MDGA2: variants seen among roughly 807,000 people sequenced by gnomAD.
The protein encoded by MDGA2 is MAM domain containing glycosylphosphatidylinositol anchor 2.
MDGA2 carries 40 observed loss-of-function variants against 117.8 expected under a neutral mutation model. The ratio of observed to expected loss-of-function variants is 0.34; its 90% CI spans 0.26 to 0.44. The LOEUF (loss-of-function observed/expected upper bound fraction) is 0.44, where lower values mean the gene tolerates loss of function less well. Among genes scored for constraint, MDGA2 ranks in the 20% least tolerant of loss-of-function variants. The pLI is 1.00. For synonymous variants in MDGA2, 452 were observed against 439.0 expected (o/e 1.03, Z -0.37); for missense variants, 1,123 against 1,250.6 (o/e 0.90, Z 1.54).
chr14:46,957,420 G>T lies in MDGA2; in HGVS notation c.2043C>A (p.Ser681Arg). Residue 681 changes from serine to arginine, a missense_variant, in exon 9 of 17, where the codon AGC (serine) becomes AGA (arginine). Ser to Arg is a moderately radical substitution (Grantham distance 110). Around this residue, in one of 2 missense-constraint regions of MDGA2, gnomAD observed 890 missense variants for 1,050.3 expected, o/e 0.85. Transcript: ENST00000399232. ...SNENYGVYNC[S>R]IINEAGAGRC... is the part of the protein sequence containing the mutation. ...TCCCAGCTCCAGCTTCATTTATGATGCTACAGTTATAAACCCCATAGTTTT... is the reference window on the plus strand; with the variant it reads ...TCCCAGCTCCAGCTTCATTTATGATTCTACAGTTATAAACCCCATAGTTTT... The T allele has an allele frequency of 6.2e-7, 1 of 1,614,100 alleles. No individual in the cohort carries two copies. The highest frequency in any genetic ancestry group is 8.5e-7 in the Non-Finnish European group (1 of 1,179,988).
chr14:47,417,295 C>T (rs996504163), intron 1 of MDGA2, among the ~76,000 whole-genome samples: 1 of 152,198 alleles, frequency 6.6e-6, no homozygotes, highest in Non-Finnish European at 1.5e-5. Flanking sequence ...TTCAAACATT[C>T]TACTTTGTCA....
chr14:46,974,369 A>C (rs1023922700), intron 8 of MDGA2, among the ~76,000 whole-genome samples: 1 of 152,142 alleles, frequency 6.6e-6, no homozygotes, highest in Non-Finnish European at 1.5e-5. Context: ...CAGAAATAGA[A>C]AAACCCATTC....
At chr14:47,616,036 G>A (rs1172186671) in intron 1 of MDGA2, among the ~76,000 whole-genome samples, 2 of 152,188 alleles carry the variant, frequency 1.3e-5, no homozygotes, top group Non-Finnish European at 2.9e-5. Flanking sequence ...GGAGGAATGA[G>A]TAGGAGCGAG....
Position 47,417,152 on chromosome 14 carries a change from G to T in MDGA2, c.281-115602C>A, listed in dbSNP as rs189946919. On this transcript the variant is annotated intron_variant, in intron 1 of 16. Coordinates refer to ENST00000399232, the MANE Select transcript of MDGA2 (RefSeq NM_001113498.3). ...ATTCTTTTCTATATAAATAAGTTGA[G>T]AATTTTCCTAATTTTAAACTTGTTT... Among the ~76,000 whole-genome samples the T allele has an allele frequency of 2.0e-5, 3 of 152,202 alleles. No individual in the cohort carries two copies. In the East Asian group the frequency reaches 5.8e-4, roughly 29 times the overall value.
chr14:47,214,358 T>C (rs1225823177), intron 3 of MDGA2, among the ~76,000 whole-genome samples: 1 of 152,304 alleles, frequency 6.6e-6, no homozygotes, highest in South Asian at 2.1e-4. Context: ...CCTATAAACA[T>C]ATTTTATCAA....
chr14:47,312,701 T>TTG (rs1555372501), intron 1 of MDGA2, among the ~76,000 whole-genome samples: 7 of 144,882 alleles, frequency 4.8e-5, no homozygotes, highest in African/African-American at 1.3e-4. Flanking sequence ...TTGTTTTGTT[T>TTG]TTTTTTTTTG....
At chr14:47,257,296 T>C (rs999215448) in intron 2 of MDGA2, among the ~76,000 whole-genome samples, 5 of 152,106 alleles carry the variant, frequency 3.3e-5, no homozygotes, top group Non-Finnish European at 7.4e-5. Context: ...GTAATATTTG[T>C]GTGATCTCAC....
intron 15 of MDGA2, among the ~76,000 whole-genome samples, chr14:46,850,992 T>C (rs1275513936): frequency 6.6e-6 from 1 of 151,856 alleles, no homozygotes; most frequent in Non-Finnish European, 1.5e-5. Flanking sequence ...TGTCTACTAA[T>C]GAGGACAATA....
At chr14:47,494,955 A>G (rs1219619970) in intron 1 of MDGA2, among the ~76,000 whole-genome samples, 1 of 151,308 alleles carries the variant, frequency 6.6e-6, no homozygotes, top group African/African-American at 2.4e-5. Context: ...ACATATATAT[A>G]CACACGTCAC....
intron 8 of MDGA2, among the ~76,000 whole-genome samples, chr14:46,967,025 TAAGCA>T (rs1168810529): frequency 3.9e-5 from 6 of 152,166 alleles, no homozygotes; most frequent in African/African-American, 7.2e-5. Flanking sequence ...ACCAGAACTG[TAAGCA>T]AAGCAATTTT....
chr14:46,948,400 G>T (rs1428074003), intron 9 of MDGA2, among the ~76,000 whole-genome samples: 2 of 151,956 alleles, frequency 1.3e-5, no homozygotes, highest in Non-Finnish European at 2.9e-5. Flanking sequence ...GAGTGCTTCA[G>T]GACGGAGAGA....
chr14:47,623,698 A>C (rs1355625262), intron 1 of MDGA2, among the ~76,000 whole-genome samples: 2 of 152,178 alleles, frequency 1.3e-5, no homozygotes, highest in African/African-American at 2.4e-5. Context: ...TCATTTTATA[A>C]CTGAAAAAAA....
In MDGA2 at chr14:46,873,399, A is replaced by G. The variant is rs140698391; in HGVS notation, c.2752+34T>C. 4.4e-4 allele frequency: 674 copies of G among 1,528,608 alleles called. 4 individuals are homozygous for G. In the African/African-American group the frequency reaches 8.1e-3, roughly 18 times the overall value. The allele number at this position is 1,528,608 out of a possible 1,614,324, so 94.7% of individuals were successfully genotyped here. ...ACCTTTTTCTTCTTAGTTATCATTA[A>G]TTTTGTAAGAATCAGTAATTATTGC... On this transcript the variant is annotated intron_variant, in intron 14 of 16. Coordinates refer to ENST00000399232, the MANE Select transcript of MDGA2 (RefSeq NM_001113498.3).
At chr14:47,156,726 G>T (rs1032294136) in intron 3 of MDGA2, among the ~76,000 whole-genome samples, 1 of 152,090 alleles carries the variant, frequency 6.6e-6, no homozygotes, top group Non-Finnish European at 1.5e-5. Flanking sequence ...AACTATATTG[G>T]ATGTCATCTT....
chr14:47,594,531 A>G lies in MDGA2; in HGVS notation c.280+79986T>C, dbSNP rs531418648. ...CACATTAAGTTTCAATTTGAGCAAA[A>G]GAGGACTCTTTCATTTTATGAAATA... On this transcript the variant is annotated intron_variant, in intron 1 of 16. Transcript: ENST00000399232. Among the ~76,000 whole-genome samples the G allele has an allele frequency of 5.1e-4, 77 of 152,356 alleles. 1 individual carries two copies. Among genetic ancestry groups the G allele is most frequent in the African/African-American group, 1.8e-3 (76 of 41,590 alleles).
intron 3 of MDGA2, among the ~76,000 whole-genome samples, chr14:47,162,240 C>T (rs968074565): frequency 2.6e-5 from 4 of 152,032 alleles, no homozygotes; most frequent in Admixed American, 6.6e-5. Flanking sequence ...CCACCGAGCC[C>T]GGCCAACCCA....
At chr14:47,310,863 A>C (rs1889611418) in intron 1 of MDGA2, among the ~76,000 whole-genome samples, 1 of 152,160 alleles carries the variant, frequency 6.6e-6, no homozygotes, top group Non-Finnish European at 1.5e-5. Flanking sequence ...GAATATAGTA[A>C]AAGTGGGAGA....
At chr14:47,141,827 A>G (rs905166222) in intron 4 of MDGA2, among the ~76,000 whole-genome samples, 5 of 152,194 alleles carry the variant, frequency 3.3e-5, no homozygotes, top group African/African-American at 1.2e-4. Flanking sequence ...CTATTTAACA[A>G]TATTGTATTG....
At chr14:47,056,541 T>A (rs545244476) in intron 7 of MDGA2, among the ~76,000 whole-genome samples, 15 of 152,264 alleles carry the variant, frequency 9.9e-5, no homozygotes, top group Admixed American at 8.5e-4. Flanking sequence ...TTCTGCTATA[T>A]TTGTCCACCA....
Sources: gnomAD v4.1 joint callset for allele counts (sites outside exome capture counted in the v4.1 genomes callset) on GRCh38, gnomAD v4.1.1 for gene constraint, gnomAD v4.1.1 regional missense constraint, MANE v1.5 for transcripts, NCBI Gene and HGNC (gene_info 2026-07-23, HGNC 2026-07-21) for gene names.